The following QTMAN variants were observed in gnomAD, a reference collection of about 807,000 sequenced individuals.
The protein encoded by QTMAN is tRNA-queuosine alpha-mannosyltransferase.
chr2:144,271,249 A>G, the QTMAN span, among the ~76,000 whole-genome samples: 1 of 152,258 alleles, frequency 6.6e-6, no homozygotes, highest in Non-Finnish European at 1.5e-5. Flanking sequence ...ACATAAAATC[A>G]TCATGTCATA....
the QTMAN span, among the ~76,000 whole-genome samples, chr2:144,219,675 A>G: frequency 6.6e-6 from 1 of 152,092 alleles, no homozygotes. Flanking sequence ...ACAAATAATT[A>G]GCTGGGTGTG....
At chr2:144,055,368 C>G in the QTMAN span, among the ~76,000 whole-genome samples, 1 of 150,360 alleles carries the variant, frequency 6.7e-6, no homozygotes, top group South Asian at 2.1e-4. Context: ...CACACACACA[C>G]CCCTCTGAGA....
At chr2:143,965,095 T>G in the QTMAN span, among the ~76,000 whole-genome samples, 3 of 151,942 alleles carry the variant, frequency 2.0e-5, no homozygotes, top group Non-Finnish European at 4.4e-5. Flanking sequence ...GGGCTAACAA[T>G]GTGACCTTAT....
chr2:144,051,542 T>C, the QTMAN span, among the ~76,000 whole-genome samples: 3 of 152,140 alleles, frequency 2.0e-5, no homozygotes, highest in Non-Finnish European at 2.9e-5. Context: ...ACAACAACTT[T>C]GCATTTTCCT....
chr2:144,205,287 G>A, the QTMAN span, among the ~76,000 whole-genome samples: 1 of 152,178 alleles, frequency 6.6e-6, no homozygotes, highest in African/African-American at 2.4e-5. Flanking sequence ...CTGTCCTCAT[G>A]CTTGTACTTC....
the QTMAN span, among the ~76,000 whole-genome samples, chr2:144,147,424 T>A: frequency 2.6e-5 from 4 of 151,788 alleles, no homozygotes; most frequent in Non-Finnish European, 4.4e-5. Flanking sequence ...ACACTGAAAA[T>A]TCTGAAACAT....
chr2:144,288,927 A>G, the QTMAN span, among the ~76,000 whole-genome samples: 1 of 152,190 alleles, frequency 6.6e-6, no homozygotes, highest in African/African-American at 2.4e-5. Context: ...ATAGGGAGAA[A>G]CAAAAAGGAA....
the QTMAN span, among the ~76,000 whole-genome samples, chr2:144,039,270 G>A: frequency 6.6e-6 from 1 of 152,114 alleles, no homozygotes; most frequent in African/African-American, 2.4e-5. Context: ...GAGATAAAGT[G>A]TGTGATGCGT....
chr2:144,304,749 A>G, the QTMAN span, among the ~76,000 whole-genome samples: 1 of 152,210 alleles, frequency 6.6e-6, no homozygotes, highest in African/African-American at 2.4e-5. Flanking sequence ...ATGTAACATA[A>G]TAATAAATAA....
chr2:144,195,707 A>G, the QTMAN span, among the ~76,000 whole-genome samples: 1 of 152,170 alleles, frequency 6.6e-6, no homozygotes, highest in African/African-American at 2.4e-5. Flanking sequence ...TTACTTTCGT[A>G]AAGTCTACTG....
the QTMAN span, among the ~76,000 whole-genome samples, chr2:143,956,774 T>G: frequency 1.3e-5 from 2 of 151,638 alleles, no homozygotes; most frequent in Non-Finnish European, 2.9e-5. Flanking sequence ...CATCATGCAT[T>G]AATTTAATCA....
At chr2:144,113,402 T>C in the QTMAN span, among the ~76,000 whole-genome samples, 254 of 151,772 alleles carry the variant, frequency 1.7e-3, 3 homozygotes, top group South Asian at 0.017. Context: ...ATTAGCCAAT[T>C]TGAACAACAG....
the QTMAN span, chr2:144,294,218 T>C: frequency 6.6e-6 from 1 of 152,188 alleles, no homozygotes; most frequent in Non-Finnish European, 1.5e-5. Flanking sequence ...TTTAGTTGAT[T>C]TCCTATCAAC....
chr2:143,988,753 A>C, the QTMAN span, among the ~76,000 whole-genome samples: 1 of 152,198 alleles, frequency 6.6e-6, no homozygotes. Context: ...CAAACACTAC[A>C]ATCTGGCATA....
At chr2:144,202,693 A>C in the QTMAN span, among the ~76,000 whole-genome samples, 1 of 152,308 alleles carries the variant, frequency 6.6e-6, no homozygotes, top group Admixed American at 6.5e-5. Flanking sequence ...AAGTATAATA[A>C]ACATCCAGCT....
chr2:144,038,052 C>T, the QTMAN span, among the ~76,000 whole-genome samples: 1 of 152,162 alleles, frequency 6.6e-6, no homozygotes, highest in Admixed American at 6.6e-5. Context: ...CAAGAGAATG[C>T]TGATAATAGT....
the QTMAN span, among the ~76,000 whole-genome samples, chr2:144,269,077 C>T: frequency 6.6e-6 from 1 of 152,262 alleles, no homozygotes; most frequent in African/African-American, 2.4e-5. Context: ...GCAGGAGCCA[C>T]TGCACTCGGC....
the QTMAN span, among the ~76,000 whole-genome samples, chr2:144,195,695 G>T: frequency 6.6e-6 from 1 of 151,972 alleles, no homozygotes; most frequent in Non-Finnish European, 1.5e-5. Flanking sequence ...TCAAAGAAAT[G>T]GTTACTTTCG....
At chr2:144,156,777 GTCATTCAACACAACCTACA>G in the QTMAN span, among the ~76,000 whole-genome samples, 1 of 152,046 alleles carries the variant, frequency 6.6e-6, no homozygotes, top group African/African-American at 2.4e-5. Flanking sequence ...AAGTACTGGA[GTCATTCAACACAACCTACA>G]TCACATGCTA....
Sources: allele counts gnomAD v4.1 joint callset (sites outside exome capture counted in the v4.1 genomes callset), GRCh38; gene constraint gnomAD v4.1.1; transcripts MANE v1.5; gene names NCBI Gene and HGNC (gene_info 2026-07-23, HGNC 2026-07-21).